The following UNC5C variants were observed in gnomAD, a reference collection of about 807,000 sequenced individuals.
The protein encoded by UNC5C is unc-5 netrin receptor C.
In UNC5C, 47 loss-of-function variants were observed where a neutral mutation model predicts 99.8. That is an observed-to-expected ratio of 0.47 (90% confidence interval 0.37 to 0.60). The LOEUF (loss-of-function observed/expected upper bound fraction) is 0.60. Ranked by LOEUF, UNC5C falls within the 20% of genes least tolerant of loss-of-function variation. UNC5C has a pLI of 0.00. For synonymous variants in UNC5C, 487 were observed against 452.2 expected (o/e 1.08, Z -0.98); for missense variants, 1,062 against 1,165.9 (o/e 0.91, Z 1.30).
chr4:95,356,449 G>T (rs2149432379), intron 1 of UNC5C, among the ~76,000 whole-genome samples: 1 of 152,158 alleles, frequency 6.6e-6, no homozygotes, highest in Non-Finnish European at 1.5e-5. Context: ...GTGGTGAAAG[G>T]AACATTGAAC....
chr4:95,276,858 A>G (rs1330089745), intron 4 of UNC5C, among the ~76,000 whole-genome samples: 4 of 151,248 alleles, frequency 2.6e-5, no homozygotes, highest in African/African-American at 9.7e-5. Flanking sequence ...CTTTCAAAGT[A>G]AAAAAAAAGG....
chr4:95,186,139 C>T (rs890646957), intron 12 of UNC5C, among the ~76,000 whole-genome samples: 5 of 152,182 alleles, frequency 3.3e-5, no homozygotes, highest in African/African-American at 1.2e-4. Flanking sequence ...TGAACCATCC[C>T]TATGCACGTT....
intron 1 of UNC5C, among the ~76,000 whole-genome samples, chr4:95,539,252 T>A (rs1322372711): frequency 6.6e-6 from 1 of 152,210 alleles, no homozygotes; most frequent in Non-Finnish European, 1.5e-5. Flanking sequence ...TAGTCCACCG[T>A]GTAGGAAAAC....
At chr4:95,513,817 T>G (rs1230044436) in intron 1 of UNC5C, among the ~76,000 whole-genome samples, 1 of 152,194 alleles carries the variant, frequency 6.6e-6, no homozygotes. Context: ...TCAACCATCA[T>G]GACAAGTCTC....
intron 11 of UNC5C, 114 bp downstream of exon 11, chr4:95,206,514 T>C (rs1737881422): frequency 2.1e-6 from 3 of 1,459,872 alleles, no homozygotes; most frequent in Non-Finnish European, 1.9e-6. Flanking sequence ...ATTTTGAGGG[T>C]GAGCTAAAAT....
intron 1 of UNC5C, among the ~76,000 whole-genome samples, chr4:95,395,198 A>G (rs1745476702): frequency 6.6e-6 from 1 of 152,208 alleles, no homozygotes; most frequent in African/African-American, 2.4e-5. Context: ...GTTGTCTAGA[A>G]TAAAATGCTA....
At chr4:95,529,946 G>C (rs1226660924) in intron 1 of UNC5C, among the ~76,000 whole-genome samples, 1 of 152,116 alleles carries the variant, frequency 6.6e-6, no homozygotes, top group Non-Finnish European at 1.5e-5. Flanking sequence ...CCGAAGTTTA[G>C]GTAATTCTTG....
intron 1 of UNC5C, among the ~76,000 whole-genome samples, chr4:95,448,786 C>T (rs147416067): frequency 6.6e-6 from 1 of 152,304 alleles, no homozygotes; most frequent in Non-Finnish European, 1.5e-5. Flanking sequence ...GTAATGGATA[C>T]ACTCTCTTTC....
Position 95,548,847 on chromosome 4 carries a change from C to T in UNC5C, c.11G>A (p.Gly4Asp), listed in dbSNP as rs1560502608. ...GCAGCGGGCCGCTGTCGCCCGCAGA[C>T]CTTTCCTCATCGTAGACAGAGGTGT... MRK[G>D]LRATAARCGL... The change falls in exon 1 of 16, where the codon GGT (glycine) becomes GAT (aspartate). Residue 4 changes from glycine to aspartate, a missense_variant. Physicochemically the swap from Gly to Asp is moderately conservative, Grantham distance 94 (BLOSUM62 -1). This residue lies in a region of UNC5C where 249 missense variants were observed against 295.1 expected (regional missense o/e 0.84). Transcript: ENST00000453304. 20 of 1,613,086 alleles carry T rather than the reference C, an allele frequency of 1.2e-5. No homozygotes were observed. The highest frequency in any genetic ancestry group is 3.3e-5 in the Admixed American group (2 of 60,002).
At chr4:95,381,609 C>G (rs1055738066) in intron 1 of UNC5C, among the ~76,000 whole-genome samples, 6 of 152,104 alleles carry the variant, frequency 3.9e-5, no homozygotes, top group Non-Finnish European at 8.8e-5. Context: ...TATGTCTAAA[C>G]TCAGATATTA....
chr4:95,506,268 A>G (rs1435117603), intron 1 of UNC5C, among the ~76,000 whole-genome samples: 1 of 151,898 alleles, frequency 6.6e-6, no homozygotes, highest in Non-Finnish European at 1.5e-5. Flanking sequence ...CTCTGCGGCA[A>G]CCAGTTCAGG....
At chr4:95,492,188 G>A (rs1307237069) in intron 1 of UNC5C, among the ~76,000 whole-genome samples, 4 of 151,246 alleles carry the variant, frequency 2.6e-5, no homozygotes, top group African/African-American at 7.3e-5. Context: ...GGAATTATAG[G>A]TTTATTTTAT....
At chr4:95,176,465 A>C (rs1482637846) in intron 14 of UNC5C, among the ~76,000 whole-genome samples, 1 of 152,152 alleles carries the variant, frequency 6.6e-6, no homozygotes. Context: ...TCTAACAGAC[A>C]GGACCCTCAG....
At chr4:95,344,260 C>T (rs186254081) in intron 1 of UNC5C, among the ~76,000 whole-genome samples, 3 of 152,108 alleles carry the variant, frequency 2.0e-5, no homozygotes, top group African/African-American at 7.2e-5. Flanking sequence ...TCAGTGGAAA[C>T]TTTACAGGCC....
chr4:95,511,045 C>T (rs6830561), intron 1 of UNC5C, among the ~76,000 whole-genome samples: 2,503 of 152,166 alleles, frequency 0.016, 38 homozygotes, highest in African/African-American at 0.042. Flanking sequence ...GATATTGATT[C>T]AGAAAGACAG....
At chr4:95,416,421 T>C (rs1372775735) in intron 1 of UNC5C, among the ~76,000 whole-genome samples, 1 of 152,104 alleles carries the variant, frequency 6.6e-6, no homozygotes, top group African/African-American at 2.4e-5. Context: ...AGGGAGTATC[T>C]TGGGGACAGT....
intron 1 of UNC5C, among the ~76,000 whole-genome samples, chr4:95,412,551 A>C (rs1190405602): frequency 1.3e-5 from 2 of 152,182 alleles, no homozygotes; most frequent in African/African-American, 2.4e-5. Context: ...TTGTTGGATA[A>C]ATGAATATAT....
intron 3 of UNC5C, among the ~76,000 whole-genome samples, chr4:95,281,560 G>C (rs1203520703): frequency 6.6e-6 from 1 of 152,122 alleles, no homozygotes; most frequent in East Asian, 1.9e-4. Context: ...TAGTGATAGA[G>C]GACAGGAAGA....
At chr4:95,506,468 T>C (rs1231689730) in intron 1 of UNC5C, among the ~76,000 whole-genome samples, 2 of 152,050 alleles carry the variant, frequency 1.3e-5, no homozygotes. Flanking sequence ...TTAAGCATAA[T>C]ACTCGGTAGT....
Sources: gnomAD v4.1 joint callset for allele counts (sites outside exome capture counted in the v4.1 genomes callset) on GRCh38, gnomAD v4.1.1 for gene constraint, gnomAD v4.1.1 regional missense constraint, MANE v1.5 for transcripts, NCBI Gene and HGNC (gene_info 2026-07-23, HGNC 2026-07-21) for gene names.